MDFIC2: variants seen among roughly 807,000 people sequenced by gnomAD.
The protein encoded by MDFIC2 is MyoD family inhibitor domain containing 2.
At chr3:70,295,956 T>C (rs1381222887) in intron 2 of MDFIC2, among the ~76,000 whole-genome samples, 1 of 152,144 alleles carries the variant, frequency 6.6e-6, no homozygotes, top group African/African-American at 2.4e-5. Context: ...TGTGTAGAAA[T>C]AGAACCAATC....
At chr3:70,201,220 C>G (rs909274290) in intron 3 of MDFIC2, among the ~76,000 whole-genome samples, 5 of 151,978 alleles carry the variant, frequency 3.3e-5, no homozygotes, top group African/African-American at 1.2e-4. Context: ...CCAATAAGCC[C>G]CATTGTGTGT....
intron 2 of MDFIC2, among the ~76,000 whole-genome samples, chr3:70,226,823 T>C (rs763804407): frequency 5.3e-5 from 8 of 150,970 alleles, no homozygotes; most frequent in Non-Finnish European, 1.2e-4. Context: ...GTTTGTAGAA[T>C]ATGGAAGTGT....
chr3:70,218,367 C>T (rs138556041), intron 2 of MDFIC2, among the ~76,000 whole-genome samples: 64 of 152,176 alleles, frequency 4.2e-4, no homozygotes, highest in African/African-American at 1.5e-3. Context: ...ATTAGGTGGG[C>T]TTGCTATTTT....
At chr3:70,232,508 T>A (rs1238801327) in intron 2 of MDFIC2, among the ~76,000 whole-genome samples, 1 of 151,930 alleles carries the variant, frequency 6.6e-6, no homozygotes, top group African/African-American at 2.4e-5. Context: ...CAAGTGATTC[T>A]CCTGCCTCAG....
chr3:70,286,825 C>G (rs530436840), intron 2 of MDFIC2, among the ~76,000 whole-genome samples: 1 of 151,996 alleles, frequency 6.6e-6, no homozygotes, highest in South Asian at 2.1e-4. Flanking sequence ...GAAGCAATTG[C>G]GAATGAGAGT....
chr3:70,290,288 CTG>C (rs1702219658), intron 2 of MDFIC2, among the ~76,000 whole-genome samples: 1 of 152,176 alleles, frequency 6.6e-6, no homozygotes, highest in African/African-American at 2.4e-5. Context: ...AGACGGGACT[CTG>C]AGCTGCAGGT....
intron 2 of MDFIC2, among the ~76,000 whole-genome samples, chr3:70,295,322 A>C (rs1161930847): frequency 6.6e-6 from 1 of 152,212 alleles, no homozygotes; most frequent in Non-Finnish European, 1.5e-5. Context: ...GACCAAGATT[A>C]ACATCTAGTG....
chr3:70,209,987 C>A (rs542403720), intron 2 of MDFIC2, among the ~76,000 whole-genome samples: 1 of 152,052 alleles, frequency 6.6e-6, no homozygotes, highest in Non-Finnish European at 1.5e-5. Context: ...ATGGAGATTG[C>A]AGCAGCTATT....
intron 2 of MDFIC2, among the ~76,000 whole-genome samples, chr3:70,222,683 A>T (rs1000670804): frequency 2.6e-5 from 4 of 152,184 alleles, no homozygotes; most frequent in Non-Finnish European, 5.9e-5. Context: ...CTAATGGACT[A>T]TTCAAACCTG....
intron 2 of MDFIC2, chr3:70,302,827 T>C (rs995339377): frequency 6.6e-6 from 1 of 152,190 alleles, no homozygotes; most frequent in African/African-American, 2.4e-5. Flanking sequence ...ACATGGCATC[T>C]TGTAGGCCTT....
At chr3:70,213,235 G>A (rs1701367890) in intron 2 of MDFIC2, among the ~76,000 whole-genome samples, 1 of 152,104 alleles carries the variant, frequency 6.6e-6, no homozygotes, top group East Asian at 1.9e-4. Flanking sequence ...AGCCTCCTGA[G>A]TAGATCTTTT....
intron 2 of MDFIC2, among the ~76,000 whole-genome samples, chr3:70,259,492 G>T (rs1468811088): frequency 6.6e-6 from 1 of 152,088 alleles, no homozygotes; most frequent in Non-Finnish European, 1.5e-5. Flanking sequence ...CACTTGAAGG[G>T]CAGGGAGTCT....
intron 2 of MDFIC2, among the ~76,000 whole-genome samples, chr3:70,211,651 C>T (rs1701350854): frequency 7.3e-6 from 1 of 136,424 alleles, no homozygotes; most frequent in African/African-American, 2.7e-5. Context: ...CTTTGCCTTT[C>T]CCTTCCCTTC....
At chr3:70,267,907 C>T (rs1701935414) in intron 2 of MDFIC2, among the ~76,000 whole-genome samples, 1 of 151,732 alleles carries the variant, frequency 6.6e-6, no homozygotes, top group Non-Finnish European at 1.5e-5. Flanking sequence ...GAGCCAAGGT[C>T]CCAGTTTCCT....
chr3:70,310,883 T>C (rs1308696888), intron 2 of MDFIC2, among the ~76,000 whole-genome samples: 1 of 152,128 alleles, frequency 6.6e-6, no homozygotes, highest in Non-Finnish European at 1.5e-5. Flanking sequence ...CAAACTGGCA[T>C]TGAATCTCAG....
intron 2 of MDFIC2, among the ~76,000 whole-genome samples, chr3:70,306,959 A>G (rs560041920): frequency 5.4e-4 from 82 of 152,290 alleles, no homozygotes; most frequent in African/African-American, 1.9e-3. Context: ...ACAAATAAAT[A>G]TGTATATGTA....
At chr3:70,286,769 C>T (rs971234218) in intron 2 of MDFIC2, among the ~76,000 whole-genome samples, 13 of 152,050 alleles carry the variant, frequency 8.5e-5, no homozygotes, top group Non-Finnish European at 1.8e-4. Context: ...TGAAGAGGTC[C>T]TTCACATCCC....
chr3:70,289,745 G>A (rs1014833629), intron 2 of MDFIC2, among the ~76,000 whole-genome samples: 1 of 152,182 alleles, frequency 6.6e-6, no homozygotes, highest in Admixed American at 6.5e-5. Context: ...ATTTCTTGGA[G>A]GGTTTGCTCG....
chr3:70,245,927 T>G (rs560830333), intron 2 of MDFIC2, among the ~76,000 whole-genome samples: 5 of 151,540 alleles, frequency 3.3e-5, no homozygotes, highest in South Asian at 4.2e-4. Flanking sequence ...GCATATTAGA[T>G]CATCCTCTTG....
Sources: gnomAD v4.1 joint callset for allele counts (sites outside exome capture counted in the v4.1 genomes callset) on GRCh38, gnomAD v4.1.1 for gene constraint, MANE v1.5 for transcripts, NCBI Gene and HGNC (gene_info 2026-07-23, HGNC 2026-07-21) for gene names.